Variants in AASDH observed in about 807,000 individuals in gnomAD.
AASDH encodes beta-alanine-activating enzyme.
A neutral mutation model predicts 102.3 loss-of-function variants in AASDH; 81 were observed. The ratio of observed to expected loss-of-function variants is 0.79; its 90% CI spans 0.66 to 0.95. The LOEUF is 0.95. Among genes scored for constraint, AASDH ranks in the 40% least tolerant of loss-of-function variants. The pLI, the probability that AASDH is intolerant of heterozygous loss-of-function variation, is 0.00. For synonymous variants in AASDH, 398 were observed against 454.0 expected (o/e 0.88, Z 1.57); for missense variants, 1,203 against 1,266.2 (o/e 0.95, Z 0.76).
At chr4:56,380,494 T>A (rs1428064938) in intron 3 of AASDH, among the ~76,000 whole-genome samples, 3 of 152,266 alleles carry the variant, frequency 2.0e-5, no homozygotes, top group Non-Finnish European at 4.4e-5. Context: ...TGGCCTGTAA[T>A]ATTTGAAAAA....
chr4:56,366,046 C>T (rs1294703199), intron 5 of AASDH, among the ~76,000 whole-genome samples: 1 of 152,012 alleles, frequency 6.6e-6, no homozygotes, highest in South Asian at 2.1e-4. Flanking sequence ...ATATCACCAC[C>T]GATCCCACAG....
chr4:56,376,829 A>G (rs1752387932), intron 4 of AASDH, among the ~76,000 whole-genome samples: 2 of 152,200 alleles, frequency 1.3e-5, no homozygotes, highest in Admixed American at 1.3e-4. Flanking sequence ...GCACTTTGGG[A>G]GGCCGAGGCG....
In AASDH at chr4:56,354,195, C is replaced by A. The variant is rs1158218204; in HGVS notation, c.1227G>T (p.Val409=). The A allele has an allele frequency of 6.3e-7, 1 of 1,576,794 alleles. No homozygotes were observed. The highest frequency in any genetic ancestry group is 2.3e-5 in the East Asian group (1 of 43,942). The change falls in exon 8 of 15, where the codon GTG becomes GTT. Residue 409 remains valine (V), a synonymous_variant. Transcript: ENST00000205214. ...GQVFLGGRNR[V]CFLDDEVTVP... ...CTGTCACTTCATCATCAAGAAAACA[C>A]ACTCTGTTTCTGCCACCTTCCCAAG...
chr4:56,356,141 A>C, intron 5 of AASDH: 1 of 656,486 alleles, frequency 1.5e-6, no homozygotes, highest in African/African-American at 1.8e-5. Flanking sequence ...CAAGATGCCA[A>C]AAGGAAAGGC....
Position 56,384,147 on chromosome 4 carries a change from T to G in AASDH, c.153A>C (p.Leu51Phe). 1.2e-6 allele frequency: 2 copies of G among 1,614,192 alleles called. No individual in the cohort carries two copies. Among genetic ancestry groups the G allele is most frequent in the Non-Finnish European group, 1.7e-6 (2 of 1,180,030 alleles). Reference sequence around the variant, plus strand: ...CCCGAATTCCTTGAAAGTCACAGTGTAACAGCAGAAAATTTGATAATTCAG... The same window carrying G: ...CCCGAATTCCTTGAAAGTCACAGTGGAACAGCAGAAAATTTGATAATTCAG... Reference protein sequence around the residue: ...AASELSNFLLLHCDFQGIREI... With the variant: ...AASELSNFLLFHCDFQGIREI... Residue 51 changes from leucine (L) to phenylalanine (F), a missense_variant, in exon 2 of 15, where the codon TTA becomes TTC. Leu to Phe is a conservative substitution (Grantham distance 22). Transcript: ENST00000205214.
chr4:56,345,260 T>C lies in AASDH; in HGVS notation c.2519A>G (p.Lys840Arg), dbSNP rs1215409648. 1 of 1,613,680 alleles carries C rather than the reference T, an allele frequency of 6.2e-7. No homozygotes were observed. Among genetic ancestry groups the C allele is most frequent in the Admixed American group, 1.7e-5 (1 of 60,010 alleles). The change falls in exon 12 of 15, where the codon AAA (lysine) becomes AGA (arginine). Residue 840 changes from lysine to arginine, a missense_variant. Physicochemically the swap from Lys to Arg is conservative, Grantham distance 26 (BLOSUM62 2). Coordinates refer to ENST00000205214, the MANE Select transcript of AASDH (RefSeq NM_181806.4). ...GCYNGLVYVL[K>R]SNSGEKYWMF... ...CCAGTATTTTTCTCCACTATTACTT[T>C]TCAGAACATAAACTAATCCATTATA...
In AASDH at chr4:56,363,991, G is replaced by T. The variant is rs544920412; in HGVS notation, c.861+7460C>A. On this transcript the variant is annotated intron_variant, in intron 5 of 14. Transcript: ENST00000205214. Reference sequence around the variant, plus strand: ...AACCTTGAAAAAAAATTAGACAAATGGCTAACTAGAATAACCAATGCAGAG... The same window carrying T: ...AACCTTGAAAAAAAATTAGACAAATTGCTAACTAGAATAACCAATGCAGAG... Among the ~76,000 whole-genome samples the T allele has an allele frequency of 2.2e-3, 341 of 152,270 alleles. 1 individual carries two copies. Among genetic ancestry groups the T allele is most frequent in the African/African-American group, 7.9e-3 (330 of 41,568 alleles).
chr4:56,353,790 T>A (rs1749266702), intron 8 of AASDH, among the ~76,000 whole-genome samples, 194 bp from the exon 9 acceptor site: 1 of 152,178 alleles, frequency 6.6e-6, no homozygotes, highest in African/African-American at 2.4e-5. Flanking sequence ...AAATAATAGA[T>A]CCTAAAGCAA....
chr4:56,377,104 A>ATTAAG (rs1179269849), intron 4 of AASDH, among the ~76,000 whole-genome samples: 2 of 151,730 alleles, frequency 1.3e-5, no homozygotes, highest in African/African-American at 4.8e-5. Flanking sequence ...ATAAAATAAA[A>ATTAAG]TTAACTTCAC....
intron 5 of AASDH, among the ~76,000 whole-genome samples, chr4:56,362,647 C>T (rs979078865): frequency 2.0e-5 from 3 of 152,108 alleles, no homozygotes; most frequent in African/African-American, 4.8e-5. Context: ...ATATAAGGAG[C>T]GCTTTAGTAA....
Position 56,382,508 on chromosome 4 carries a change from TTTAGA to T in AASDH, c.315_319del (p.Asn105LysfsTer6), listed in dbSNP as rs1423168219. On this transcript the variant is annotated frameshift_variant, in exon 3 of 15. Coordinates refer to ENST00000205214, the MANE Select transcript of AASDH (RefSeq NM_181806.4). LOFTEE classifies it high-confidence loss of function. Reference sequence around the variant, plus strand: ...TTGTTTTTTTTCAACAAGGATATACTTTAGATTACATTTTTTCATAAAATGAGTTG... The same window carrying T: ...TTGTTTTTTTTCAACAAGGATATACTTTACATTTTTTCATAAAATGAGTTG... 11 of 1,596,262 alleles carry T rather than the reference TTTAGA, an allele frequency of 6.9e-6. No homozygotes were observed. Among genetic ancestry groups the T allele is most frequent in the Non-Finnish European group, 9.4e-6 (11 of 1,165,202 alleles).
At position 56,342,950 on chromosome 4, in the gene AASDH, A is replaced by G. The variant is rs200554529; in HGVS notation, c.2792T>C (p.Ile931Thr). 5.0e-5 allele frequency: 79 copies of G among 1,588,784 alleles called. No individual in the cohort carries two copies. In the East Asian group the frequency reaches 1.7e-3, roughly 34 times the overall value. Reference protein sequence around the residue: ...LAVNPATGNVIWKHSCGKPLF... With the variant: ...LAVNPATGNVTWKHSCGKPLF... ...TGGTTTTCCACAGGAATGTTTCCAA[A>G]TAACGTTCCCAGTAGCCTGTCACAG... is the stretch of plus-strand genomic sequence containing the variant. Residue 931 changes from isoleucine to threonine, a missense_variant, in exon 14 of 15, where the codon ATT becomes ACT. Coordinates refer to ENST00000205214, the MANE Select transcript of AASDH (RefSeq NM_181806.4).
intron 3 of AASDH, 167 bp downstream of exon 3, chr4:56,382,310 G>T: frequency 1.6e-6 from 1 of 631,952 alleles, no homozygotes; most frequent in Non-Finnish European, 2.6e-6. Flanking sequence ...TATAATATAC[G>T]GAACACTCCT....
At chr4:56,366,297 A>C (rs956233038) in intron 5 of AASDH, among the ~76,000 whole-genome samples, 1 of 152,236 alleles carries the variant, frequency 6.6e-6, no homozygotes, top group African/African-American at 2.4e-5. Flanking sequence ...AGGTACAAGG[A>C]GGAGCTGGTA....
intron 10 of AASDH, 37 bp from the exon 11 acceptor site, chr4:56,350,095 G>A: frequency 1.3e-6 from 2 of 1,482,570 alleles, no homozygotes; most frequent in Non-Finnish European, 1.8e-6. Flanking sequence ...GTGACGTAAA[G>A]GTCTAAAAGC....
rs8340 is a variant in AASDH at position 56,338,611 on chromosome 4, A to C, written c.3088T>G (p.Tyr1030Asp). 0.15 allele frequency: 235,602 copies of C among 1,613,984 alleles called. 20,076 individuals carry two copies. Among genetic ancestry groups the C allele is most frequent in the Admixed American group, 0.38 (23,064 of 59,998 alleles). ...AGCAACATTTCATTGCTGCCATTGT[A>C]GTTATGGAAAGCAAACGGTGTTGCA... ...VYATPFAFHN[Y>D]NGSNEMLLAA... The change falls in exon 15 of 15, where the codon TAC becomes GAC. Residue 1030 changes from tyrosine (Y) to aspartate (D), a missense_variant. Tyr to Asp is a radical substitution (Grantham distance 160). Coordinates refer to ENST00000205214, the MANE Select transcript of AASDH (RefSeq NM_181806.4).
chr4:56,339,024 T>G (rs990408969), intron 14 of AASDH, among the ~76,000 whole-genome samples: 2 of 152,236 alleles, frequency 1.3e-5, no homozygotes, highest in African/African-American at 4.8e-5. Context: ...TACTATGTGA[T>G]TCACTGCCGT....
In AASDH at chr4:56,349,679, T is replaced by C. The variant is rs1490632602; in HGVS notation, c.2072A>G (p.Asn691Ser). The change falls in exon 11 of 15, where the codon AAT (asparagine) becomes AGT (serine). Residue 691 changes from asparagine (N) to serine (S), a missense_variant. Transcript: ENST00000205214. Reference sequence around the variant, plus strand: ...TAACTTTGTTAAAAACCTAGTGGAATTCAGAGACAAAATTTGACTCCCTCT... The same window carrying C: ...TAACTTTGTTAAAAACCTAGTGGAACTCAGAGACAAAATTTGACTCCCTCT... ...LSRGSQILSL[N>S]STRFLTKLGH... is the part of the protein sequence containing the mutation. 3.1e-6 allele frequency: 5 copies of C among 1,614,092 alleles called. No homozygotes were observed. The African/African-American group carries it at 6.7e-5, about 22-fold the overall frequency.
chr4:56,344,940 C>CTTTTTT (rs11357105), intron 12 of AASDH, among the ~76,000 whole-genome samples, 187 bp downstream of exon 12: 1 of 124,126 alleles, frequency 8.1e-6, no homozygotes, highest in Non-Finnish European at 1.7e-5. Context: ...AATTTTCTTT[C>CTTTTTT]TTTTTTTTTT....
Sources: allele counts gnomAD v4.1 joint callset (sites outside exome capture counted in the v4.1 genomes callset), GRCh38; gene constraint gnomAD v4.1.1; transcripts MANE v1.5; gene names NCBI Gene and HGNC (gene_info 2026-07-23, HGNC 2026-07-21).